PTPRN2: variants seen among roughly 807,000 people sequenced by gnomAD.
PTPRN2 encodes the protein receptor-type tyrosine-protein phosphatase N2.
In PTPRN2, 74 loss-of-function variants were observed where a neutral mutation model predicts 118.8. The observed-to-expected ratio is 0.62, with a 90% CI of 0.52 to 0.76. PTPRN2 has a LOEUF of 0.76. PTPRN2 is among the 30% of genes least tolerant of loss of function. The pLI is 0.00. For missense variants in PTPRN2, 1,481 were observed against 1,394.4 expected (o/e 1.06, Z -0.99); for synonymous variants, 641 against 608.0 (o/e 1.05, Z -0.80).
At chr7:158,571,899 G>C (rs116707413) in intron 1 of PTPRN2, among the ~76,000 whole-genome samples, 1 of 152,096 alleles carries the variant, frequency 6.6e-6, no homozygotes, top group Non-Finnish European at 1.5e-5. Context: ...AGAACTTCCC[G>C]AGCCAAGAAC....
intron 11 of PTPRN2, among the ~76,000 whole-genome samples, chr7:157,961,176 T>C (rs1047422996): frequency 1.3e-5 from 2 of 152,186 alleles, no homozygotes; most frequent in African/African-American, 4.8e-5. Context: ...TGAAGAAATA[T>C]TTTTCTTTCC....
intron 3 of PTPRN2, among the ~76,000 whole-genome samples, chr7:158,276,235 ACATCCCGGTCCTGGTAG>A (rs1563076909): frequency 0.39 from 28,761 of 74,520 alleles, 9,299 homozygotes; most frequent in Non-Finnish European, 0.5. Context: ...TAGCACCCCC[ACATCCCGGTCCTGGTAG>A]CACCCCCACA....
chr7:157,942,350 C>T (rs1487299454), intron 11 of PTPRN2, among the ~76,000 whole-genome samples: 1 of 152,182 alleles, frequency 6.6e-6, no homozygotes, highest in Non-Finnish European at 1.5e-5. Flanking sequence ...TAGTTTTGCT[C>T]CCGCATCTGA....
At chr7:158,323,982 T>G (rs1380185099) in intron 2 of PTPRN2, among the ~76,000 whole-genome samples, 1 of 151,996 alleles carries the variant, frequency 6.6e-6, no homozygotes, top group Admixed American at 6.5e-5. Flanking sequence ...CACACACAAG[T>G]GTGCACACAC....
In PTPRN2 at chr7:158,311,979, G is replaced by T. The variant is rs1302897521; in HGVS notation, c.277+4840C>A. Among the ~76,000 whole-genome samples, 2 of 151,200 alleles carry T rather than the reference G, an allele frequency of 1.3e-5. 1 individual carries two copies. The highest frequency in any genetic ancestry group is 2.9e-5 in the Non-Finnish European group (2 of 67,872). On this transcript the variant is annotated intron_variant, in intron 3 of 22. Coordinates refer to ENST00000389418, the MANE Select transcript of PTPRN2 (RefSeq NM_002847.5). ...TGTACATGCACTCACGTGCTCACAT[G>T]TAGACACCCACACACATGCACACAC...
intron 2 of PTPRN2, among the ~76,000 whole-genome samples, chr7:158,459,100 C>T (rs1281020481): frequency 6.6e-6 from 1 of 152,216 alleles, no homozygotes; most frequent in Admixed American, 6.5e-5. Context: ...GCTGCACACA[C>T]AGGGCCACGA....
At chr7:157,745,076 G>A (rs1415698781) in intron 12 of PTPRN2, among the ~76,000 whole-genome samples, 4 of 152,208 alleles carry the variant, frequency 2.6e-5, no homozygotes, top group African/African-American at 4.8e-5. Flanking sequence ...TCTGGGTTGG[G>A]TCACGATGCT....
At chr7:158,459,231 C>G (rs1012964339) in intron 2 of PTPRN2, among the ~76,000 whole-genome samples, 2 of 36,568 alleles carry the variant, frequency 5.5e-5, no homozygotes, top group Admixed American at 7.3e-4. Context: ...CCACAACACC[C>G]AGATGAGAAT....
rs576368683 is a variant in PTPRN2 at position 157,825,410 on chromosome 7, T to TC, written c.1788+73262dup. Among the ~76,000 whole-genome samples, 249 of 151,992 alleles carry TC rather than the reference T, an allele frequency of 1.6e-3. 2 individuals are homozygous for TC. Among genetic ancestry groups the TC allele is most frequent in the African/African-American group, 5.0e-3 (208 of 41,410 alleles). On this transcript the variant is annotated intron_variant, in intron 12 of 22. Transcript: ENST00000389418. Reference sequence around the variant, plus strand: ...GAGGCTGCAAGGTCCTCAGACTGCCTCCCCCCCAGACTTCTTCCACAGGAA... The same window carrying TC: ...GAGGCTGCAAGGTCCTCAGACTGCCTCCCCCCCCAGACTTCTTCCACAGGAA...
chr7:158,239,168 T>A (rs370054901), intron 3 of PTPRN2, among the ~76,000 whole-genome samples: 7 of 152,184 alleles, frequency 4.6e-5, no homozygotes, highest in Non-Finnish European at 8.8e-5. Flanking sequence ...AGAGGGTCGA[T>A]GTTCCTCTGC....
intron 12 of PTPRN2, among the ~76,000 whole-genome samples, chr7:157,819,807 G>A (rs76639809): frequency 0.053 from 8,073 of 151,566 alleles, 435 homozygotes; most frequent in South Asian, 0.22. Context: ...TCATGAACAC[G>A]CAAAACACAC....
chr7:158,516,097 A>G lies in PTPRN2; in HGVS notation c.113-26312T>C, dbSNP rs116652768. ...CTCCCCACGCCCCGGCCGCCTGGCC[A>G]TCTCTTGCCTCAAAGGCCTCCTAAG... is the stretch of plus-strand genomic sequence containing the variant. On this transcript the variant is annotated intron_variant, in intron 1 of 22. Transcript: ENST00000389418. Among the ~76,000 whole-genome samples the G allele has an allele frequency of 8.2e-3, 1,253 of 152,306 alleles. 21 individuals are homozygous for G. The highest frequency in any genetic ancestry group is 0.029 in the African/African-American group (1,193 of 41,566).
chr7:157,553,600 A>G (rs1798741511), intron 21 of PTPRN2, among the ~76,000 whole-genome samples: 1 of 152,230 alleles, frequency 6.6e-6, no homozygotes. Context: ...TTGCCGGGCC[A>G]TCCCCAGACA....
chr7:157,912,774 TA>T (rs1798172271), intron 11 of PTPRN2, among the ~76,000 whole-genome samples: 1 of 152,206 alleles, frequency 6.6e-6, no homozygotes, highest in Non-Finnish European at 1.5e-5. Flanking sequence ...CACTGATCTG[TA>T]ATGTCAACCC....
At chr7:158,154,058 G>A (rs1276519517) in intron 6 of PTPRN2, among the ~76,000 whole-genome samples, 1 of 152,164 alleles carries the variant, frequency 6.6e-6, no homozygotes, top group Admixed American at 6.6e-5. Flanking sequence ...AGGCCCTCAG[G>A]AGCCCGGCAG....
At chr7:158,410,511 T>C (rs1475921318) in intron 2 of PTPRN2, among the ~76,000 whole-genome samples, 6 of 152,204 alleles carry the variant, frequency 3.9e-5, no homozygotes, top group Non-Finnish European at 7.3e-5. Context: ...CTCTGAGGCA[T>C]GTGGGGTGAC....
Position 157,970,642 on chromosome 7 carries a change from C to T in PTPRN2, c.1724-71905G>A, listed in dbSNP as rs1452302711. Among the ~76,000 whole-genome samples the T allele has an allele frequency of 1.3e-5, 2 of 150,366 alleles. 1 individual carries two copies. Among genetic ancestry groups the T allele is most frequent in the Non-Finnish European group, 3.0e-5 (2 of 67,214 alleles). On this transcript the variant is annotated intron_variant, in intron 11 of 22. Transcript: ENST00000389418. ...ATTGTCACGCTCAGAGCGGACCCCC[C>T]CCCCCACAGGTTGCCCACCCCAGGG...
intron 14 of PTPRN2, among the ~76,000 whole-genome samples, chr7:157,645,484 G>A (rs921901234): frequency 6.6e-6 from 1 of 152,194 alleles, no homozygotes; most frequent in Non-Finnish European, 1.5e-5. Context: ...AAGCATCCGC[G>A]ATGACTCAGG....
chr7:157,779,530 C>T lies in PTPRN2; in HGVS notation c.1789-96593G>A, dbSNP rs943568797. On this transcript the variant is annotated intron_variant, in intron 12 of 22. Coordinates refer to ENST00000389418, the MANE Select transcript of PTPRN2 (RefSeq NM_002847.5). The surrounding 1 kb of genome is among the most constrained non-coding windows in gnomAD (Gnocchi z 4.7). ...TCCCTCCTCAGGCCAGTGCCCTCCA[C>T]GTTGTCCCCAGCAGGGCGACGGAGG... 1.3e-5 allele frequency among the ~76,000 whole-genome samples: 2 copies of T among 152,196 alleles called. No individual in the cohort carries two copies. The highest frequency in any genetic ancestry group is 2.4e-5 in the African/African-American group (1 of 41,450).
Sources: gnomAD v4.1 joint callset for allele counts (sites outside exome capture counted in the v4.1 genomes callset) on GRCh38, gnomAD v4.1.1 for gene constraint, Gnocchi (gnomAD v3.1) non-coding constraint, MANE v1.5 for transcripts, NCBI Gene and HGNC (gene_info 2026-07-23, HGNC 2026-07-21) for gene names.